COL22A1: variants seen among roughly 807,000 people sequenced by gnomAD.
COL22A1 encodes the protein collagen alpha-1(XXII) chain.
A neutral mutation model predicts 248.9 loss-of-function variants in COL22A1; 221 were observed. That is an observed-to-expected ratio of 0.89 (90% CI 0.80 to 0.99). COL22A1 has a LOEUF of 0.99. Ranked by LOEUF, COL22A1 falls within the 50% of genes least tolerant of loss-of-function variation. The pLI, the probability that COL22A1 is intolerant of heterozygous loss-of-function variation, is 0.00. For missense variants in COL22A1, 2,240 were observed against 2,179.0 expected, an observed-to-expected ratio of 1.03 and a Z score of -0.56; for synonymous variants, 891 against 793.4, an observed-to-expected ratio of 1.12 and a Z score of -2.07.
chr8:138,652,734 G>GTTTTTTTTTTTTTT (rs1564146836), intron 45 of COL22A1, among the ~76,000 whole-genome samples: 6 of 45,872 alleles, frequency 1.3e-4, no homozygotes, highest in South Asian at 6.9e-4. Flanking sequence ...TTCCTTTTCT[G>GTTTTTTTTTTTTTT]GTTTTTTTTT....
At chr8:138,729,401 G>A (rs1201860015) in intron 23 of COL22A1, among the ~76,000 whole-genome samples, 2 of 152,132 alleles carry the variant, frequency 1.3e-5, no homozygotes, top group African/African-American at 4.8e-5. Flanking sequence ...CTATCTCCCT[G>A]GTAAGACCAC....
intron 3 of COL22A1, among the ~76,000 whole-genome samples, chr8:138,855,055 G>T (rs1821918749): frequency 6.6e-6 from 1 of 152,136 alleles, no homozygotes; most frequent in African/African-American, 2.4e-5. Context: ...ACCTTGCATG[G>T]CCTCCAGCAT....
chr8:138,878,118 G>C lies in COL22A1; in HGVS notation c.290C>G (p.Ser97Trp), dbSNP rs774502960. 6.2e-7 allele frequency: 1 copy of C among 1,604,872 alleles called. No homozygotes were observed. The highest frequency in any genetic ancestry group is 8.5e-7 in the Non-Finnish European group (1 of 1,176,534). Residue 97 changes from serine (S) to tryptophan (W), a missense_variant, in exon 3 of 65, where the codon TCG (serine) becomes TGG (tryptophan). Transcript: ENST00000303045. ...GGCAGCCGCCTTGACCTCCTCCTGC[G>C]AGCCAAAGAGTCCCAACTCGAAGGC... is the stretch of plus-strand genomic sequence containing the variant. ...TTAFELGLFG[S>W]QEEVKAAARR...
chr8:138,794,464 G>T (rs977703462), intron 12 of COL22A1, among the ~76,000 whole-genome samples: 1 of 151,632 alleles, frequency 6.6e-6, no homozygotes, highest in African/African-American at 2.4e-5. Context: ...CAGTATGGTG[G>T]CTCCTCAAAA....
intron 4 of COL22A1, 123 bp downstream of exon 4, chr8:138,843,961 T>C: frequency 1.2e-6 from 1 of 846,896 alleles, no homozygotes. Flanking sequence ...TTATCAGGAC[T>C]CTGGTGAAAT....
intron 7 of COL22A1, among the ~76,000 whole-genome samples, chr8:138,813,950 CA>C (rs1212816839): frequency 2.6e-5 from 4 of 152,270 alleles, no homozygotes; most frequent in Non-Finnish European, 5.9e-5. Context: ...TTACTTCTAT[CA>C]CCTCCTTTAA....
intron 23 of COL22A1, among the ~76,000 whole-genome samples, chr8:138,728,126 T>G (rs1282258465): frequency 6.6e-6 from 1 of 152,118 alleles, no homozygotes; most frequent in Non-Finnish European, 1.5e-5. Context: ...TCCAATTCCT[T>G]GGCTCAAGTG....
At chr8:138,893,042 G>C (rs1009660022) in intron 1 of COL22A1, among the ~76,000 whole-genome samples, 1 of 152,206 alleles carries the variant, frequency 6.6e-6, no homozygotes, top group Admixed American at 6.5e-5. Context: ...AGCTGTCTGT[G>C]ATGCAAACTG....
rs752542316 is a variant in COL22A1 at position 138,684,433 on chromosome 8, C to G, written c.3004G>C (p.Gly1002Arg). The G allele has an allele frequency of 1.9e-6, 3 of 1,610,412 alleles. No homozygotes were observed. ...RGSPGLPGPL[G>R]TKAACGKVRG... is the part of the protein sequence containing the mutation. ...CTTGGACAAGCACTCACCTTGGTTCCTAGGGGTCCAGGGAGTCCAGGTGAT... is the reference window on the plus strand; with the variant it reads ...CTTGGACAAGCACTCACCTTGGTTCGTAGGGGTCCAGGGAGTCCAGGTGAT... The change falls in exon 39 of 65, where the codon GGA becomes CGA. Residue 1002 changes from glycine to arginine, a missense_variant. Gly to Arg is a moderately radical substitution (Grantham distance 125). Transcript: ENST00000303045.
At position 138,683,303 on chromosome 8, in the gene COL22A1, T is replaced by C. The variant is rs567359462; in HGVS notation, c.3012+1122A>G. 2.6e-5 allele frequency among the ~76,000 whole-genome samples: 4 copies of C among 152,276 alleles called. No individual in the cohort carries two copies. In the East Asian group the frequency reaches 7.7e-4, roughly 29 times the overall value. ...AAGTAATGAATGCATTGGTAATTGA[T>C]TGGTAATTGATGCGTAAATGAATGA... is the stretch of plus-strand genomic sequence containing the variant. On this transcript the variant is annotated intron_variant, in intron 39 of 64. Coordinates refer to ENST00000303045, the MANE Select transcript of COL22A1 (RefSeq NM_152888.3).
At chr8:138,878,654 A>G (rs994393546) in intron 2 of COL22A1, among the ~76,000 whole-genome samples, 1 of 152,136 alleles carries the variant, frequency 6.6e-6, no homozygotes, top group Admixed American at 6.5e-5. Context: ...TTATTTTTCA[A>G]CCTACCCCAA....
intron 8 of COL22A1, among the ~76,000 whole-genome samples, chr8:138,812,147 C>T (rs1015087109): frequency 3.3e-5 from 5 of 152,328 alleles, no homozygotes; most frequent in East Asian, 1.9e-4. Context: ...TCTCACACCT[C>T]GCAAGTGCTC....
Position 138,780,999 on chromosome 8 carries a change from A to G in COL22A1, c.1597-19T>C. ...GGGAACCCTAAAGCCAAAAAAAGAG[A>G]ATAGCAATTAGTAAAGAATAACTGA... is the stretch of plus-strand genomic sequence containing the variant. On this transcript the variant is annotated intron_variant, in intron 12 of 64. Transcript: ENST00000303045. The G allele has an allele frequency of 1.3e-6, 2 of 1,570,748 alleles. No individual in the cohort carries two copies. The highest frequency in any genetic ancestry group is 1.8e-5 in the Admixed American group (1 of 54,618).
intron 35 of COL22A1, 47 bp from the exon 36 acceptor site, chr8:138,690,921 G>A: frequency 1.3e-6 from 2 of 1,503,026 alleles, no homozygotes; most frequent in Non-Finnish European, 1.8e-6. Context: ...TTGATTAGAA[G>A]TAGTTGCCCC....
chr8:138,875,767 T>G (rs1823668778), intron 3 of COL22A1, among the ~76,000 whole-genome samples: 1 of 152,166 alleles, frequency 6.6e-6, no homozygotes, highest in Admixed American at 6.5e-5. Flanking sequence ...CCTTCCATGA[T>G]CTCAGCATTC....
At chr8:138,746,499 T>C (rs1227962593) in intron 22 of COL22A1, among the ~76,000 whole-genome samples, 1 of 152,240 alleles carries the variant, frequency 6.6e-6, no homozygotes, top group Non-Finnish European at 1.5e-5. Flanking sequence ...TACTCCCTTT[T>C]TCTCCATAGA....
chr8:138,805,981 AT>A (rs1563787679), intron 10 of COL22A1, among the ~76,000 whole-genome samples: 4 of 33,838 alleles, frequency 1.2e-4, no homozygotes, highest in East Asian at 1.2e-3. Flanking sequence ...AGTGTGTGTG[AT>A]TGTGTGTGAT....
chr8:138,697,695 C>T lies in COL22A1; in HGVS notation c.2592+2417G>A, dbSNP rs191614482. Among the ~76,000 whole-genome samples the T allele has an allele frequency of 3.4e-3, 522 of 152,274 alleles. 2 individuals are homozygous for T. Among genetic ancestry groups the T allele is most frequent in the African/African-American group, 0.011 (444 of 41,548 alleles). On this transcript the variant is annotated intron_variant, in intron 32 of 64. Transcript: ENST00000303045. Reference sequence around the variant, plus strand: ...CTTTCCATTCTCTTCCTTCATTATGCGGCAGACCTTAACACCCCTCTAAAT... The same window carrying T: ...CTTTCCATTCTCTTCCTTCATTATGTGGCAGACCTTAACACCCCTCTAAAT...
intron 51 of COL22A1, among the ~76,000 whole-genome samples, chr8:138,624,161 A>T (rs933315517): frequency 1.3e-5 from 2 of 152,086 alleles, no homozygotes; most frequent in Admixed American, 1.3e-4. Flanking sequence ...TGAGGGGGGA[A>T]TGTGGATGCT....
Sources: gnomAD v4.1 joint callset for allele counts (sites outside exome capture counted in the v4.1 genomes callset) on GRCh38, gnomAD v4.1.1 for gene constraint, MANE v1.5 for transcripts, NCBI Gene and HGNC (gene_info 2026-07-23, HGNC 2026-07-21) for gene names.